COL10A1: variants seen among roughly 807,000 people sequenced by gnomAD.
COL10A1 encodes the protein collagen alpha-1(X) chain.
A neutral mutation model predicts 18.2 loss-of-function variants in COL10A1; 10 were observed. That is an observed-to-expected ratio of 0.55 (90% CI 0.34 to 0.93). The LOEUF is 0.93. COL10A1 is among the 40% of genes least tolerant of loss of function. COL10A1 has a pLI of 0.02. For missense variants in COL10A1, 897 were observed against 853.5 expected, an observed-to-expected ratio of 1.05 and a Z score of -0.64; for synonymous variants, 330 against 316.6, an observed-to-expected ratio of 1.04 and a Z score of -0.45.
upstream of COL10A1, among the ~76,000 whole-genome samples, chr6:116,127,016 T>A (rs769352398): frequency 1.0e-3 from 159 of 152,278 alleles, 1 homozygote; most frequent in Middle Eastern, 3.4e-3. Flanking sequence ...CTAAAAAATC[T>A]AATAAAGGTG....
At chr6:116,211,962 G>A in the COL10A1 span, among the ~76,000 whole-genome samples, 1 of 152,026 alleles carries the variant, frequency 6.6e-6, no homozygotes, top group African/African-American at 2.4e-5. Flanking sequence ...AGTGAGGCCT[G>A]TGTATGGATT....
intron 2 of COL10A1, among the ~76,000 whole-genome samples, chr6:116,124,770 A>G (rs1203574742): frequency 6.6e-6 from 1 of 152,204 alleles, no homozygotes. Context: ...GCTAAACTAT[A>G]TTCAAAATGT....
At chr6:116,163,139 A>ATATATATATATATAT, upstream of COL10A1, among the ~76,000 whole-genome samples, 1 of 100,400 alleles carries the variant, frequency 1.0e-5, no homozygotes, top group East Asian at 2.7e-4. Flanking sequence ...AAAAAAAAAA[A>ATATATATATATATAT]AAATATATAT....
the COL10A1 span, among the ~76,000 whole-genome samples, chr6:116,194,550 A>G: frequency 1.3e-5 from 2 of 151,944 alleles, no homozygotes; most frequent in African/African-American, 4.8e-5. Context: ...CCTGAAGTAT[A>G]TTGTTTAAAG....
the COL10A1 span, among the ~76,000 whole-genome samples, chr6:116,169,620 G>A: frequency 6.6e-6 from 1 of 152,224 alleles, no homozygotes; most frequent in Non-Finnish European, 1.5e-5. Flanking sequence ...GTAGCCTGTA[G>A]TACCTGCTAT....
chr6:116,120,029 G>T lies in COL10A1; in HGVS notation c.*44C>A. On this transcript the variant is annotated 3_prime_UTR_variant, in exon 3 of 3. Coordinates refer to ENST00000651968, the MANE Select transcript of COL10A1 (RefSeq NM_000493.4). ...TTTTGTAGGGTGGGGTAGAGTTAGA[G>T]AATGCTTTTTCTAGCACAAGATTTA... 1 of 1,525,974 alleles carries T rather than the reference G, an allele frequency of 6.6e-7. No individual in the cohort carries two copies. The highest frequency in any genetic ancestry group is 9.1e-7 in the Non-Finnish European group (1 of 1,104,144). 94.5% of individuals were successfully genotyped at this position (1,525,974 alleles called of 1,614,324 possible). A position where few individuals can be genotyped will look rare whatever the true frequency, so the allele number is the denominator to read the frequency against.
chr6:116,210,211 A>G, the COL10A1 span, among the ~76,000 whole-genome samples: 2 of 152,144 alleles, frequency 1.3e-5, no homozygotes, highest in East Asian at 3.9e-4. Context: ...TGCCATGCTT[A>G]AAAGACTTTC....
chr6:116,182,392 G>A, the COL10A1 span, among the ~76,000 whole-genome samples: 4,814 of 152,088 alleles, frequency 0.032, 273 homozygotes, highest in African/African-American at 0.11. Context: ...TTTCCTCTGG[G>A]TAGATACTCA....
At chr6:116,191,808 A>G in the COL10A1 span, among the ~76,000 whole-genome samples, 3 of 152,132 alleles carry the variant, frequency 2.0e-5, no homozygotes, top group African/African-American at 7.2e-5. Flanking sequence ...CAGTATTTAT[A>G]TATTTGTATT....
chr6:116,215,137 T>C, the COL10A1 span, among the ~76,000 whole-genome samples: 1 of 152,178 alleles, frequency 6.6e-6, no homozygotes. Flanking sequence ...CTGATATTAA[T>C]GTAGCTCTAC....
chr6:116,180,454 G>C, the COL10A1 span, among the ~76,000 whole-genome samples: 1 of 152,078 alleles, frequency 6.6e-6, no homozygotes, highest in Admixed American at 6.6e-5. Context: ...GACCTAGGTA[G>C]TGATCATTAA....
At chr6:116,198,107 T>C in the COL10A1 span, among the ~76,000 whole-genome samples, 1 of 152,092 alleles carries the variant, frequency 6.6e-6, no homozygotes, top group African/African-American at 2.4e-5. Context: ...GGGTTATTTC[T>C]CCTGTCAAAG....
Position 116,119,240 on chromosome 6 carries a change from A to G in COL10A1, c.*833T>C, listed in dbSNP as rs186945460. 2.4e-3 allele frequency: 370 copies of G among 152,794 alleles called. 5 individuals are homozygous for G. Among genetic ancestry groups the G allele is most frequent in the African/African-American group, 8.3e-3 (345 of 41,592 alleles). The allele number at this position is 152,794 out of a possible 1,614,324, so 9.5% of individuals were successfully genotyped here. ...TGGGAGGCACAAGGTACATGTGCTAATGTTCTGTAAATCCAGAAAATCATA... is the reference window on the plus strand; with the variant it reads ...TGGGAGGCACAAGGTACATGTGCTAGTGTTCTGTAAATCCAGAAAATCATA... On this transcript the variant is annotated 3_prime_UTR_variant, in exon 3 of 3. Transcript: ENST00000651968.
chr6:116,163,141 A>AAAAAAAATATAT (rs761718922), upstream of COL10A1, among the ~76,000 whole-genome samples: 10 of 88,392 alleles, frequency 1.1e-4, no homozygotes, highest in African/African-American at 5.8e-4. Flanking sequence ...AAAAAAAAAA[A>AAAAAAAATATAT]ATATATATAT....
At chr6:116,150,735 A>G (rs192879249) in intron 1 of COL10A1, among the ~76,000 whole-genome samples, 38 of 152,298 alleles carry the variant, frequency 2.5e-4, no homozygotes, top group African/African-American at 8.4e-4. Flanking sequence ...GTTGTTTGCT[A>G]TTATTGCTGT....
the COL10A1 span, among the ~76,000 whole-genome samples, chr6:116,197,360 A>AT: frequency 2.6e-5 from 4 of 152,016 alleles, no homozygotes; most frequent in African/African-American, 9.7e-5. Flanking sequence ...AAAGTCCTTG[A>AT]TTCTCTGCTA....
At chr6:116,124,052 G>A (rs1033691233) in intron 2 of COL10A1, among the ~76,000 whole-genome samples, 2 of 151,830 alleles carry the variant, frequency 1.3e-5, no homozygotes, top group Admixed American at 6.6e-5. Context: ...TTCTTTACTA[G>A]CCTTTAAATT....
chr6:116,181,522 A>T, the COL10A1 span, among the ~76,000 whole-genome samples: 1 of 152,120 alleles, frequency 6.6e-6, no homozygotes, highest in African/African-American at 2.4e-5. Context: ...CCATTATAGG[A>T]TATCTCCAAA....
Position 116,125,391 on chromosome 6 carries a change from T to C in COL10A1, c.102A>G (p.Pro34=). The part of the protein sequence containing the change: ...RYQMPTGIKG[P]LPNTKTQFFI... ...AGAACTGTGTCTTGGTGTTGGGTAG[T>C]GGGCCTTTTATGCCTGTGGGCATTT... is the stretch of plus-strand genomic sequence containing the variant. Residue 34 remains proline, a synonymous_variant, in exon 2 of 3, where the codon CCA becomes CCG. Transcript: ENST00000651968. 8 of 1,613,896 alleles carry C rather than the reference T, an allele frequency of 5.0e-6. No homozygotes were observed. Among genetic ancestry groups the C allele is most frequent in the Non-Finnish European group, 5.9e-6 (7 of 1,179,876 alleles).
Sources: gnomAD v4.1 joint callset for allele counts (sites outside exome capture counted in the v4.1 genomes callset) on GRCh38, gnomAD v4.1.1 for gene constraint, MANE v1.5 for transcripts, NCBI Gene and HGNC (gene_info 2026-07-23, HGNC 2026-07-21) for gene names.